The following ARHGAP42 variants were observed in gnomAD, a reference collection of about 807,000 sequenced individuals.
ARHGAP42 encodes Rho GTPase activating protein 42.
ARHGAP42 carries 63 observed loss-of-function variants against 125.0 expected under a neutral mutation model. That is an observed-to-expected ratio of 0.50 (90% CI 0.41 to 0.62). The LOEUF (loss-of-function observed/expected upper bound fraction) is 0.62, where lower values mean the gene tolerates loss of function less well. Ranked by LOEUF, ARHGAP42 falls within the 20% of genes least tolerant of loss-of-function variation. The pLI, the probability that ARHGAP42 is intolerant of heterozygous loss-of-function variation, is 0.00. For synonymous variants in ARHGAP42, 339 were observed against 351.0 expected (o/e 0.97, Z 0.38); for missense variants, 766 against 1,024.2 (o/e 0.75, Z 3.44).
At chr11:100,909,341 G>GTTTTTT (rs71053157) in intron 4 of ARHGAP42, among the ~76,000 whole-genome samples, 3 of 137,448 alleles carry the variant, frequency 2.2e-5, no homozygotes, top group Non-Finnish European at 4.6e-5. Context: ...GACTTTTCTT[G>GTTTTTT]TTTTTTTTTT....
At chr11:100,985,897 A>G (rs1194658345) in intron 22 of ARHGAP42, among the ~76,000 whole-genome samples, 1 of 152,208 alleles carries the variant, frequency 6.6e-6, no homozygotes, top group Non-Finnish European at 1.5e-5. Context: ...AAATGAAATT[A>G]TAATGTAATG....
chr11:100,932,940 G>A (rs909129192), intron 6 of ARHGAP42, among the ~76,000 whole-genome samples: 1 of 152,156 alleles, frequency 6.6e-6, no homozygotes, highest in African/African-American at 2.4e-5. Context: ...TCCTTGATCA[G>A]CCTCAAAAGT....
At chr11:100,711,831 TAA>T (rs903287874) in intron 1 of ARHGAP42, among the ~76,000 whole-genome samples, 6 of 152,312 alleles carry the variant, frequency 3.9e-5, no homozygotes, top group African/African-American at 1.4e-4. Context: ...TATGAGAAGA[TAA>T]TCACCTTTAC....
chr11:100,938,351 C>T (rs577976411), intron 8 of ARHGAP42, among the ~76,000 whole-genome samples: 2 of 152,150 alleles, frequency 1.3e-5, no homozygotes, highest in East Asian at 1.9e-4. Context: ...TTGGTTGTGT[C>T]CTTGTTTTGA....
At position 100,948,528 on chromosome 11, in the gene ARHGAP42, A is replaced by C; in HGVS notation, c.1115A>C (p.Lys372Thr). 6.5e-7 allele frequency: 1 copy of C among 1,549,380 alleles called. No homozygotes were observed. The highest frequency in any genetic ancestry group is 8.7e-7 in the Non-Finnish European group (1 of 1,145,348). ...CTCTGGCTTGAAGCCATGGATGGGA[A>C]GGAACCGGTAAGACTATGACACATT... ...RKLWLEAMDG[K>T]EPIYTLPAII... The change falls in exon 11 of 24, where the codon AAG becomes ACG. Residue 372 changes from lysine (K) to threonine (T), a missense_variant. This residue lies in a region of ARHGAP42 where 455 missense variants were observed against 636.5 expected (regional missense o/e 0.71). Transcript: ENST00000298815.
chr11:100,755,628 C>T (rs1478959001), intron 1 of ARHGAP42, among the ~76,000 whole-genome samples: 3 of 152,138 alleles, frequency 2.0e-5, no homozygotes, highest in Non-Finnish European at 4.4e-5. Flanking sequence ...TCATTGTCTT[C>T]TTTGAGTCTC....
intron 3 of ARHGAP42, among the ~76,000 whole-genome samples, chr11:100,821,460 G>A (rs1472497142): frequency 6.6e-6 from 1 of 151,958 alleles, no homozygotes; most frequent in Non-Finnish European, 1.5e-5. Context: ...GCAGCCTGAG[G>A]AGCCTGATAT....
At chr11:100,713,414 G>C (rs1290190974) in intron 1 of ARHGAP42, among the ~76,000 whole-genome samples, 1 of 152,172 alleles carries the variant, frequency 6.6e-6, no homozygotes, top group Admixed American at 6.5e-5. Flanking sequence ...CCTGGGAATG[G>C]ATCCTCTGAT....
intron 2 of ARHGAP42, among the ~76,000 whole-genome samples, chr11:100,791,197 G>T (rs1164960290): frequency 2.6e-5 from 4 of 152,116 alleles, no homozygotes; most frequent in Non-Finnish European, 5.9e-5. Context: ...CATGTCTAGG[G>T]AGCTGCTGGG....
chr11:100,973,385 A>G, intron 18 of ARHGAP42, 51 bp downstream of exon 18: 1 of 1,528,856 alleles, frequency 6.5e-7, no homozygotes, highest in Non-Finnish European at 8.8e-7. Context: ...TTGGTTTTAT[A>G]AAGGAATTTT....
chr11:100,812,328 A>G (rs1450675115), intron 3 of ARHGAP42, among the ~76,000 whole-genome samples: 2 of 152,232 alleles, frequency 1.3e-5, no homozygotes, highest in Non-Finnish European at 2.9e-5. Context: ...TGGAAAGGAT[A>G]GCAATAATTT....
chr11:100,798,473 T>G (rs1049424387), intron 3 of ARHGAP42, among the ~76,000 whole-genome samples: 2 of 152,162 alleles, frequency 1.3e-5, no homozygotes, highest in Non-Finnish European at 2.9e-5. Context: ...TCAAAAAGAT[T>G]ATGACTTGCT....
rs1453975888 is a variant in ARHGAP42 at position 100,976,778 on chromosome 11, A to G, written c.2237-37A>G. The G allele has an allele frequency of 5.2e-6, 8 of 1,547,556 alleles. No homozygotes were observed. In the East Asian group the frequency reaches 1.7e-4, roughly 33 times the overall value. On this transcript the variant is annotated intron_variant, in intron 20 of 23. Transcript: ENST00000298815. The stretch of plus-strand genomic sequence containing the variant: ...CGTGTTATTGCTATTATGTTGTCTA[A>G]TAGCACCTTGCCTATTTTCTTGGGC...
chr11:100,946,164 T>C (rs1868011330), intron 10 of ARHGAP42, among the ~76,000 whole-genome samples: 1 of 152,104 alleles, frequency 6.6e-6, no homozygotes, highest in South Asian at 2.1e-4. Flanking sequence ...TCATACTTTT[T>C]TTCTGCAGCT....
At chr11:100,704,956 T>C (rs1861454699) in intron 1 of ARHGAP42, among the ~76,000 whole-genome samples, 1 of 107,876 alleles carries the variant, frequency 9.3e-6, no homozygotes, top group Non-Finnish European at 1.9e-5. Flanking sequence ...ACAGCCTGGG[T>C]GAGCCTGGGT....
chr11:100,947,361 T>G (rs1868054081), intron 10 of ARHGAP42, among the ~76,000 whole-genome samples: 2 of 151,946 alleles, frequency 1.3e-5, no homozygotes, highest in Admixed American at 1.3e-4. Context: ...TATTTCTGGA[T>G]TTTCTATGTA....
intron 1 of ARHGAP42, among the ~76,000 whole-genome samples, chr11:100,748,383 G>GTCCTGAAGGGAGT (rs1862356775): frequency 6.6e-6 from 1 of 152,152 alleles, no homozygotes; most frequent in African/African-American, 2.4e-5. Flanking sequence ...TCACCCGACT[G>GTCCTGAAGGGAGT]TCCTGAAGGG....
chr11:100,718,179 C>T (rs1436766645), intron 1 of ARHGAP42, among the ~76,000 whole-genome samples: 2 of 152,078 alleles, frequency 1.3e-5, no homozygotes, highest in African/African-American at 4.8e-5. Flanking sequence ...GGACAGATCA[C>T]TTGGAGAAGA....
chr11:100,779,526 ATGCG>A lies in ARHGAP42; in HGVS notation c.250+9090_250+9093del, dbSNP rs1445845142. ...TATACACGTATATATATACGTATACATGCGTATATATACGTATATATATACATAT... is the reference window on the plus strand; with the variant it reads ...TATACACGTATATATATACGTATACATATATATACGTATATATATACATAT... On this transcript the variant is annotated intron_variant, in intron 2 of 23. Transcript: ENST00000298815. 1.0e-4 allele frequency among the ~76,000 whole-genome samples: 14 copies of A among 138,640 alleles called. 2 individuals carry two copies. The highest frequency in any genetic ancestry group is 1.6e-4 in the Non-Finnish European group (10 of 63,922). 91.0% of individuals were successfully genotyped at this position (138,640 alleles called of 152,430 possible).
Sources: gnomAD v4.1 joint callset for allele counts (sites outside exome capture counted in the v4.1 genomes callset) on GRCh38, gnomAD v4.1.1 for gene constraint, gnomAD v4.1.1 regional missense constraint, MANE v1.5 for transcripts, NCBI Gene and HGNC (gene_info 2026-07-23, HGNC 2026-07-21) for gene names.